Variants in MCM4 observed in about 807,000 individuals in gnomAD.
MCM4 encodes the protein minichromosome maintenance complex component 4.
MCM4 carries 60 observed loss-of-function variants against 88.7 expected under a neutral mutation model. The ratio of observed to expected loss-of-function variants is 0.68; its 90% CI spans 0.55 to 0.84. The LOEUF is 0.84. Ranked by LOEUF, MCM4 falls within the 40% of genes least tolerant of loss-of-function variation. The pLI is 0.00. For missense variants in MCM4, 1,149 were observed against 1,105.5 expected, an observed-to-expected ratio of 1.04 and a Z score of -0.56; for synonymous variants, 465 against 410.5, an observed-to-expected ratio of 1.13 and a Z score of -1.61.
rs561796976 is a variant in MCM4, at chr8:47,967,656, G to A, written c.1174+171G>A. Among the ~76,000 whole-genome samples the A allele has an allele frequency of 2.5e-4, 38 of 152,248 alleles. No homozygotes were observed. The South Asian group carries it at 7.3e-3, about 29-fold the overall frequency. On this transcript the variant is annotated intron_variant, in intron 10 of 16. Coordinates refer to ENST00000649973, the MANE Select transcript of MCM4 (RefSeq NM_182746.3). ...CTTTATCTGCCACCTTTTTAACTGA[G>A]TACCATGGCCCAGCAGTATGAAATT... is the stretch of plus-strand genomic sequence containing the variant.
chr8:47,966,586 G>A (rs2090901073), intron 9 of MCM4, among the ~76,000 whole-genome samples, 179 bp downstream of exon 9: 1 of 152,194 alleles, frequency 6.6e-6, no homozygotes, highest in Admixed American at 6.5e-5. Flanking sequence ...CAAAGCCCCT[G>A]CTTCAGGGCA....
chr8:47,974,720 T>C lies in MCM4; in HGVS notation c.2137-14T>C. The C allele has an allele frequency of 6.2e-7, 1 of 1,602,852 alleles. No homozygotes were observed. The highest frequency in any genetic ancestry group is 8.5e-7 in the Non-Finnish European group (1 of 1,172,028). On this transcript the variant is annotated splice_polypyrimidine_tract_variant and intron_variant, in intron 14 of 16. Coordinates refer to ENST00000649973, the MANE Select transcript of MCM4 (RefSeq NM_182746.3). ...GGAGGTTTGCTTTTGCTTTTGTTTT[T>C]CTACCTACAATAGGCTTATGTAGAC...
In MCM4 at chr8:47,975,760, C is replaced by T. The variant is rs2090995423; in HGVS notation, c.2411C>T (p.Ala804Val). The change falls in exon 16 of 17, where the codon GCA (alanine) becomes GTA (valine). Residue 804 changes from alanine to valine, a missense_variant. This residue lies in a region of MCM4 where 238 missense variants were observed against 241.6 expected (regional missense o/e 0.99). Transcript: ENST00000649973. ...AAACGGAAAGAAGAATTAGCTGAAGCATTGAAAAAGCTTATTTTATCTAAG... is the reference window on the plus strand; with the variant it reads ...AAACGGAAAGAAGAATTAGCTGAAGTATTGAAAAAGCTTATTTTATCTAAG... The part of the protein sequence containing the change: ...SRKRKEELAE[A>V]LKKLILSKGK... 3 of 1,583,534 alleles carry T rather than the reference C, an allele frequency of 1.9e-6. No individual in the cohort carries two copies. The highest frequency in any genetic ancestry group is 2.7e-5 in the African/African-American group (2 of 73,156).
At chr8:47,973,162 A>G in intron 14 of MCM4, 98 bp downstream of exon 14, 1 of 1,090,820 alleles carries the variant, frequency 9.2e-7, no homozygotes, top group Non-Finnish European at 1.3e-6. Flanking sequence ...TTTGTTACGA[A>G]TAACATACTG....
intron 13 of MCM4, among the ~76,000 whole-genome samples, chr8:47,971,682 C>T (rs1318639464): frequency 2.0e-5 from 3 of 152,192 alleles, no homozygotes; most frequent in African/African-American, 7.2e-5. Context: ...GCCGTTTACA[C>T]ATGGCTGTCA....
intron 10 of MCM4, 106 bp downstream of exon 10, chr8:47,967,591 T>C: frequency 7.2e-7 from 1 of 1,395,198 alleles, no homozygotes; most frequent in Admixed American, 1.8e-5. Context: ...CTACCTCCAG[T>C]TGTCACTGCT....
chr8:47,970,308 C>T (rs1234553946), intron 11 of MCM4, among the ~76,000 whole-genome samples: 1 of 152,152 alleles, frequency 6.6e-6, no homozygotes, highest in Non-Finnish European at 1.5e-5. Context: ...TGCATGGCCA[C>T]CATTCTGGTG....
intron 9 of MCM4, among the ~76,000 whole-genome samples, chr8:47,967,018 C>G (rs2090904912): frequency 6.6e-6 from 1 of 152,368 alleles, no homozygotes; most frequent in East Asian, 1.9e-4. Context: ...GCCTCCTATT[C>G]TCAGAATCAT....
intron 10 of MCM4, among the ~76,000 whole-genome samples, chr8:47,967,965 C>T (rs2090915150): frequency 6.6e-6 from 1 of 152,196 alleles, no homozygotes; most frequent in Admixed American, 6.5e-5. Flanking sequence ...GAGTCAGTGA[C>T]TTGTTTCCAT....
rs2090986694 is a variant in MCM4 at position 47,974,730 on chromosome 8, A to G, written c.2137-4A>G. 1 of 1,611,920 alleles carries G rather than the reference A, an allele frequency of 6.2e-7. No individual in the cohort carries two copies. The highest frequency in any genetic ancestry group is 1.3e-5 in the African/African-American group (1 of 74,862). ...TTTTGCTTTTGTTTTTCTACCTACA[A>G]TAGGCTTATGTAGACATGAGGAAGA... is the stretch of plus-strand genomic sequence containing the variant. On this transcript the variant is annotated splice_region_variant and splice_polypyrimidine_tract_variant and intron_variant, in intron 14 of 16. Coordinates refer to ENST00000649973, the MANE Select transcript of MCM4 (RefSeq NM_182746.3).
At chr8:47,964,842 CAATAAT>C (rs1412872619) in intron 8 of MCM4, 130 bp downstream of exon 8, 2 of 706,810 alleles carry the variant, frequency 2.8e-6, no homozygotes, top group African/African-American at 3.6e-5. Flanking sequence ...TATAAATTGA[CAATAAT>C]ATAGATTCAG....
In MCM4 at chr8:47,977,617, C is replaced by T. The variant is rs929618522; in HGVS notation, c.*839C>T. The T allele has an allele frequency of 2.0e-5, 3 of 152,236 alleles. No individual in the cohort carries two copies. Among genetic ancestry groups the T allele is most frequent in the Non-Finnish European group, 4.4e-5 (3 of 68,096 alleles). 9.4% of individuals were successfully genotyped at this position (152,236 alleles called of 1,614,324 possible). ...CTGGGCTCAGGTGTATGTCACTATG[C>T]CCGGCTACTTTTTGTATTTTTTGGT... On this transcript the variant is annotated 3_prime_UTR_variant, in exon 17 of 17. Transcript: ENST00000649973.
At position 47,974,744 on chromosome 8, in the gene MCM4, A is replaced by G; in HGVS notation, c.2147A>G (p.Asp716Gly). ...TTCTACCTACAATAGGCTTATGTAG[A>G]CATGAGGAAGATTGGCAGTAGCCGG... ...ASQALIEAYV[D>G]MRKIGSSRGM... The change falls in exon 15 of 17, where the codon GAC becomes GGC. Residue 716 changes from aspartate to glycine, a missense_variant. Asp to Gly is a moderately conservative substitution (Grantham distance 94). Around this residue, in one of 3 missense-constraint regions of MCM4, gnomAD observed 238 missense variants for 241.6 expected, o/e 0.99. Coordinates refer to ENST00000649973, the MANE Select transcript of MCM4 (RefSeq NM_182746.3). 6.2e-7 allele frequency: 1 copy of G among 1,614,060 alleles called. No homozygotes were observed. Among genetic ancestry groups the G allele is most frequent in the Non-Finnish European group, 8.5e-7 (1 of 1,179,882 alleles).
Position 47,970,895 on chromosome 8 carries a change from C to A in MCM4, c.1800+19C>A. 1 of 1,564,950 alleles carries A rather than the reference C, an allele frequency of 6.4e-7. No homozygotes were observed. The highest frequency in any genetic ancestry group is 1.2e-5 in the South Asian group (1 of 84,108). ...TGCAAAGGTGAGTCGCCTTCTCCAC[C>A]GTGAACATGGACGTGTTTAAAATAT... On this transcript the variant is annotated intron_variant, in intron 12 of 16. Transcript: ENST00000649973.
intron 1 of MCM4, 26 bp from the exon 2 acceptor site, chr8:47,961,105 G>A (rs1260020470): frequency 6.6e-7 from 1 of 1,525,284 alleles, no homozygotes; most frequent in East Asian, 2.7e-5. Context: ...AGGCGGGCCC[G>A]GCCCGAGCTT....
At position 47,975,706 on chromosome 8, in the gene MCM4, T is replaced by C. The variant is rs1276773952; in HGVS notation, c.2366-9T>C. On this transcript the variant is annotated splice_polypyrimidine_tract_variant and intron_variant, in intron 15 of 16. Transcript: ENST00000649973. ...CAAAAATGTTTTCATTGATTTCTTT[T>C]TAAATCAGGGATGAGTGCCACCTCT... 1 of 1,526,380 alleles carries C rather than the reference T, an allele frequency of 6.6e-7. No homozygotes were observed. Among genetic ancestry groups the C allele is most frequent in the Non-Finnish European group, 8.7e-7 (1 of 1,144,880 alleles). The allele number at this position is 1,526,380 out of a possible 1,614,324, so 94.6% of individuals were successfully genotyped here. A position where few individuals can be genotyped will look rare whatever the true frequency, so the allele number is the denominator to read the frequency against.
chr8:47,964,795 AAAG>A (rs1343609617), intron 8 of MCM4, 83 bp downstream of exon 8: 4 of 1,230,180 alleles, frequency 3.3e-6, no homozygotes, highest in Non-Finnish European at 4.5e-6. Flanking sequence ...AGAAATTATG[AAAG>A]AAGTAATTGG....
chr8:47,970,283 G>A (rs2090940688), intron 11 of MCM4, among the ~76,000 whole-genome samples: 1 of 152,242 alleles, frequency 6.6e-6, no homozygotes, highest in African/African-American at 2.4e-5. Flanking sequence ...GCCACACAGT[G>A]TCAGAATAGG....
chr8:47,972,754 A>G (rs1392745862), intron 13 of MCM4, 103 bp from the exon 14 acceptor site: 2 of 800,562 alleles, frequency 2.5e-6, no homozygotes, highest in South Asian at 3.3e-5. Context: ...ACAAGGTTTC[A>G]CCGTGTTGGC....
Sources: allele counts gnomAD v4.1 joint callset (sites outside exome capture counted in the v4.1 genomes callset), GRCh38; gene constraint gnomAD v4.1.1; regional missense constraint gnomAD v4.1.1; transcripts MANE v1.5; gene names NCBI Gene and HGNC (gene_info 2026-07-23, HGNC 2026-07-21).